Variants in DENND2C observed in about 807,000 individuals in gnomAD.
DENND2C encodes the protein DENN domain containing 2C, also known as DENN domain-containing protein 2C.
In DENND2C, 72 loss-of-function variants were observed where a neutral mutation model predicts 112.4. That is an observed-to-expected ratio of 0.64 (90% CI 0.53 to 0.78). The LOEUF (loss-of-function observed/expected upper bound fraction) is 0.78, where lower values mean the gene tolerates loss of function less well. Among genes scored for constraint, DENND2C ranks in the 30% least tolerant of loss-of-function variants. The pLI is 0.00. For missense variants in DENND2C, 992 were observed against 1,113.8 expected (o/e 0.89, Z 1.56); for synonymous variants, 329 against 381.6 (o/e 0.86, Z 1.61).
chr1:114,597,376 G>A (rs1304007832), intron 16 of DENND2C, among the ~76,000 whole-genome samples: 4 of 151,276 alleles, frequency 2.6e-5, no homozygotes, highest in Admixed American at 2.0e-4. Context: ...TCCAGGAGGC[G>A]GAGGTTGCAG....
At chr1:114,651,088 G>A (rs114266390) in intron 2 of DENND2C, among the ~76,000 whole-genome samples, 12 of 150,038 alleles carry the variant, frequency 8.0e-5, no homozygotes, top group African/African-American at 1.2e-4. Context: ...CAGCCTGGGC[G>A]ACACAGTGAG....
chr1:114,641,847 G>A lies in DENND2C; in HGVS notation c.-205+3601C>T, dbSNP rs143301123. 6.9e-3 allele frequency among the ~76,000 whole-genome samples: 1,056 copies of A among 152,154 alleles called. 3 individuals carry two copies. Among genetic ancestry groups the A allele is most frequent in the Non-Finnish European group, 0.011 (745 of 68,014 alleles). On this transcript the variant is annotated intron_variant, in intron 3 of 20. Coordinates refer to ENST00000393274, the MANE Select transcript of DENND2C (RefSeq NM_001256404.2). ...AGTTTTAAACCTATTTTAAAATGTC[G>A]TAGGTACACAAAACTTGTGTTTTTA...
chr1:114,601,452 T>TGGGGA, intron 13 of DENND2C, 56 bp downstream of exon 13: 1 of 1,538,418 alleles, frequency 6.5e-7, no homozygotes, highest in South Asian at 1.2e-5. Context: ...CTATGCCACT[T>TGGGGA]AATATTAAGA....
At chr1:114,643,893 T>C (rs1656909140) in intron 3 of DENND2C, among the ~76,000 whole-genome samples, 1 of 152,214 alleles carries the variant, frequency 6.6e-6, no homozygotes, top group Non-Finnish European at 1.5e-5. Flanking sequence ...GCCAAAGACT[T>C]AGAATAATGC....
chr1:114,647,256 ACC>A (rs1657018963), intron 2 of DENND2C, among the ~76,000 whole-genome samples: 3 of 151,604 alleles, frequency 2.0e-5, no homozygotes, highest in Non-Finnish European at 4.4e-5. Flanking sequence ...AATGTAAACA[ACC>A]CTTTCCTTTG....
chr1:114,609,461 A>G (rs6683866), intron 9 of DENND2C, among the ~76,000 whole-genome samples: 4,012 of 152,360 alleles, frequency 0.026, 94 homozygotes, highest in Non-Finnish European at 0.034. Flanking sequence ...TACACACAAG[A>G]GAAAAAAATT....
intron 3 of DENND2C, among the ~76,000 whole-genome samples, chr1:114,630,038 G>A (rs1372360099): frequency 1.3e-5 from 2 of 152,138 alleles, no homozygotes; most frequent in Non-Finnish European, 2.9e-5. Context: ...AAACTGGCTG[G>A]GCGTGGTGGC....
chr1:114,600,992 C>A, intron 13 of DENND2C, 32 bp from the exon 14 acceptor site: 1 of 1,586,474 alleles, frequency 6.3e-7, no homozygotes, highest in Admixed American at 1.8e-5. Flanking sequence ...TTATTATGGA[C>A]TAAGTTAAAA....
At position 114,583,965 on chromosome 1, in the gene DENND2C, A is replaced by C. The variant is rs1483844522; in HGVS notation, c.*1635T>G. 1 of 152,172 alleles carries C rather than the reference A, an allele frequency of 6.6e-6. No homozygotes were observed. The highest frequency in any genetic ancestry group is 2.4e-5 in the African/African-American group (1 of 41,440). 9.4% of individuals were successfully genotyped at this position (152,172 alleles called of 1,614,324 possible). On this transcript the variant is annotated 3_prime_UTR_variant, in exon 21 of 21. Coordinates refer to ENST00000393274, the MANE Select transcript of DENND2C (RefSeq NM_001256404.2). ...ATGACTAAGTGGTATATGTTCAAGG[A>C]ATGTTCATATTTTGAGTCTAATTTA...
At chr1:114,620,301 T>G (rs868698969) in intron 7 of DENND2C, among the ~76,000 whole-genome samples, 153 of 152,236 alleles carry the variant, frequency 1.0e-3, no homozygotes, top group African/African-American at 3.2e-3. Context: ...CATAATCATT[T>G]TTTTCTCCTC....
At chr1:114,610,372 G>T (rs971204518) in intron 9 of DENND2C, among the ~76,000 whole-genome samples, 30 of 152,244 alleles carry the variant, frequency 2.0e-4, no homozygotes, top group African/African-American at 7.2e-4. Context: ...AGATATCAAA[G>T]TTACTTAAAT....
intron 1 of DENND2C, among the ~76,000 whole-genome samples, chr1:114,662,098 G>C (rs1269004425): frequency 1.3e-5 from 2 of 152,224 alleles, no homozygotes; most frequent in East Asian, 3.9e-4. Flanking sequence ...CAGGGAAAAG[G>C]AAATTTTCAG....
chr1:114,593,527 G>GT (rs1168842248), intron 18 of DENND2C, among the ~76,000 whole-genome samples: 1 of 152,164 alleles, frequency 6.6e-6, no homozygotes, highest in East Asian at 1.9e-4. Context: ...GCTCACAACT[G>GT]TAATTCCAGT....
intron 4 of DENND2C, 22 bp downstream of exon 4, chr1:114,625,157 T>C: frequency 1.3e-6 from 2 of 1,566,832 alleles, no homozygotes; most frequent in Non-Finnish European, 1.7e-6. Flanking sequence ...TACAAGTCTT[T>C]ATCTGTAGGA....
intron 2 of DENND2C, among the ~76,000 whole-genome samples, chr1:114,647,185 G>T (rs1348218050): frequency 6.6e-6 from 1 of 151,160 alleles, no homozygotes; most frequent in Admixed American, 6.6e-5. Context: ...GAGAGAGAGA[G>T]AGAGAGAATA....
intron 2 of DENND2C, among the ~76,000 whole-genome samples, chr1:114,650,680 A>T (rs1052287912): frequency 4.0e-5 from 6 of 150,656 alleles, no homozygotes; most frequent in African/African-American, 1.5e-4. Flanking sequence ...TCTCAAAAAA[A>T]AAAAAAAAAA....
intron 11 of DENND2C, among the ~76,000 whole-genome samples, chr1:114,602,408 A>T (rs1171777006): frequency 6.6e-6 from 1 of 152,198 alleles, no homozygotes; most frequent in Non-Finnish European, 1.5e-5. Context: ...TATTACATTC[A>T]TTGCAAGTTA....
chr1:114,637,369 C>CAAAAAAAAAA (rs71575188), intron 3 of DENND2C, among the ~76,000 whole-genome samples: 19 of 127,630 alleles, frequency 1.5e-4, no homozygotes, highest in Non-Finnish European at 1.9e-4. Context: ...GACTCTGTCT[C>CAAAAAAAAAA]AAAAAAAAAA....
rs144999707 is a variant in DENND2C, at chr1:114,593,188, T to C, written c.2431+1285A>G. ...CTGGTTTTTCTCCTTCTTTACTGGC[T>C]GCTCCTCTGTTGCTGGATAGTTCTC... On this transcript the variant is annotated intron_variant, in intron 18 of 20. Coordinates refer to ENST00000393274, the MANE Select transcript of DENND2C (RefSeq NM_001256404.2). 4.6e-5 allele frequency among the ~76,000 whole-genome samples: 7 copies of C among 152,320 alleles called. No individual in the cohort carries two copies. The East Asian group carries it at 1.3e-3, about 29-fold the overall frequency.
Sources: allele counts gnomAD v4.1 joint callset (sites outside exome capture counted in the v4.1 genomes callset), GRCh38; gene constraint gnomAD v4.1.1; transcripts MANE v1.5; gene names NCBI Gene and HGNC (gene_info 2026-07-23, HGNC 2026-07-21).